The following NTM variants were observed in gnomAD, a reference collection of about 807,000 sequenced individuals.
NTM encodes the protein neurotrimin, also known as IgLON family member 2.
NTM carries 13 observed loss-of-function variants against 42.1 expected under a neutral mutation model. The observed-to-expected ratio is 0.31, with a 90% CI of 0.20 to 0.49. NTM has a LOEUF of 0.49. Among genes scored for constraint, NTM ranks in the 20% least tolerant of loss-of-function variants. The probability of loss-of-function intolerance (pLI) is 0.99; values close to 1 mark genes in which losing one functional copy is unlikely to be tolerated. For missense variants in NTM, 373 were observed against 452.8 expected (o/e 0.82, Z 1.60); for synonymous variants, 187 against 179.2 (o/e 1.04, Z -0.35).
intron 1 of NTM, among the ~76,000 whole-genome samples, chr11:131,810,693 C>G (rs2092699644): frequency 1.3e-5 from 2 of 152,182 alleles, no homozygotes; most frequent in African/African-American, 2.4e-5. Flanking sequence ...CCCTGGTCAG[C>G]AGATGGTTTG....
Position 131,548,545 on chromosome 11 carries a change from G to A in NTM, c.82+177657G>A, listed in dbSNP as rs117323170. Among the ~76,000 whole-genome samples, 731 of 152,198 alleles carry A rather than the reference G, an allele frequency of 4.8e-3. 4 individuals carry two copies. Among genetic ancestry groups the A allele is most frequent in the Non-Finnish European group, 8.8e-3 (596 of 68,020 alleles). ...TTTACATTAAATGTGATGCTGACAA[G>A]GCTTTATGAGATACAAAAGTTTGCT... On this transcript the variant is annotated intron_variant, in intron 1 of 8. Coordinates refer to ENST00000683400, the MANE Select transcript of NTM (RefSeq NM_001352005.2).
intron 1 of NTM, chr11:131,671,587 T>G (rs1370934709): frequency 1.0e-6 from 1 of 985,230 alleles, no homozygotes; most frequent in African/African-American, 1.7e-5. Flanking sequence ...GAGCCCACGC[T>G]GGGCTGGGCA....
intron 4 of NTM, among the ~76,000 whole-genome samples, chr11:132,280,004 G>A (rs2093906330): frequency 6.6e-6 from 1 of 152,120 alleles, no homozygotes; most frequent in South Asian, 2.1e-4. Context: ...AGACCGCCAT[G>A]GTAAACAGGA....
intron 1 of NTM, among the ~76,000 whole-genome samples, chr11:131,436,782 C>T (rs1949172578): frequency 6.6e-6 from 1 of 152,112 alleles, no homozygotes; most frequent in Non-Finnish European, 1.5e-5. Context: ...TTTCTATCTC[C>T]TTCAGTTCTG....
chr11:132,290,720 A>G (rs912302196), intron 4 of NTM, among the ~76,000 whole-genome samples: 2 of 152,214 alleles, frequency 1.3e-5, no homozygotes, highest in African/African-American at 4.8e-5. Flanking sequence ...CCATTTTAAT[A>G]TAATGTAATA....
chr11:132,049,960 G>T (rs2078620065), intron 2 of NTM, among the ~76,000 whole-genome samples: 1 of 152,120 alleles, frequency 6.6e-6, no homozygotes, highest in Non-Finnish European at 1.5e-5. Context: ...GCAGCCTCCT[G>T]AGCAGGTGAT....
At chr11:131,440,153 C>A (rs1427310389) in intron 1 of NTM, among the ~76,000 whole-genome samples, 3 of 151,924 alleles carry the variant, frequency 2.0e-5, no homozygotes, top group African/African-American at 7.2e-5. Flanking sequence ...AGTTCTCCAA[C>A]TTTATCCTCC....
At chr11:131,881,345 T>C (rs1341483935) in intron 1 of NTM, among the ~76,000 whole-genome samples, 1 of 152,182 alleles carries the variant, frequency 6.6e-6, no homozygotes. Context: ...GTACATGGAT[T>C]TGAAATCAGA....
At chr11:131,476,191 G>A (rs1565541469) in intron 1 of NTM, among the ~76,000 whole-genome samples, 1 of 152,138 alleles carries the variant, frequency 6.6e-6, no homozygotes, top group Non-Finnish European at 1.5e-5. Context: ...CTTGCCTAGG[G>A]TATGTTCTTC....
At chr11:131,823,349 ACG>A (rs1409991126) in intron 1 of NTM, among the ~76,000 whole-genome samples, 1 of 152,180 alleles carries the variant, frequency 6.6e-6, no homozygotes, top group Non-Finnish European at 1.5e-5. Flanking sequence ...TTTGTTCTCC[ACG>A]TGATGACTAA....
At chr11:132,291,973 T>C (rs1003680796) in intron 4 of NTM, among the ~76,000 whole-genome samples, 4 of 152,132 alleles carry the variant, frequency 2.6e-5, no homozygotes, top group Admixed American at 6.5e-5. Context: ...TCTGAGAAGC[T>C]TGACTGTGAA....
At chr11:131,931,025 ATAG>A (rs1338169349) in intron 2 of NTM, among the ~76,000 whole-genome samples, 5 of 152,192 alleles carry the variant, frequency 3.3e-5, no homozygotes, top group Admixed American at 6.5e-5. Context: ...TGACATCAAC[ATAG>A]TAGTGTTCAT....
intron 2 of NTM, among the ~76,000 whole-genome samples, chr11:132,116,251 A>G (rs1011383353): frequency 2.0e-5 from 3 of 152,184 alleles, no homozygotes; most frequent in African/African-American, 4.8e-5. Context: ...GGAGGGACAC[A>G]GGGTGAGAAA....
At chr11:131,747,479 C>G (rs966868076) in intron 1 of NTM, among the ~76,000 whole-genome samples, 4 of 152,224 alleles carry the variant, frequency 2.6e-5, no homozygotes, top group African/African-American at 9.6e-5. Flanking sequence ...TCCTGTGTCC[C>G]TATTAAATGC....
chr11:131,818,807 G>A (rs1338239048), intron 1 of NTM, among the ~76,000 whole-genome samples: 1 of 152,074 alleles, frequency 6.6e-6, no homozygotes, highest in Admixed American at 6.6e-5. Context: ...GGACTATAAT[G>A]GGAATTACGA....
intron 4 of NTM, among the ~76,000 whole-genome samples, chr11:132,230,948 G>A (rs1270560925): frequency 6.6e-6 from 1 of 152,210 alleles, no homozygotes; most frequent in Non-Finnish European, 1.5e-5. Flanking sequence ...GGGGGTCGAG[G>A]CTGCAGTGAG....
intron 7 of NTM, among the ~76,000 whole-genome samples, chr11:132,325,186 A>G (rs1329071073): frequency 1.3e-5 from 2 of 152,156 alleles, no homozygotes; most frequent in African/African-American, 2.4e-5. Flanking sequence ...TAATTAAACT[A>G]AAGAGCTTCT....
intron 1 of NTM, among the ~76,000 whole-genome samples, chr11:131,883,011 TG>T (rs2049793970): frequency 6.6e-6 from 1 of 152,178 alleles, no homozygotes; most frequent in South Asian, 2.1e-4. Flanking sequence ...ATAAAGTTGA[TG>T]ACATATCCTG....
intron 1 of NTM, among the ~76,000 whole-genome samples, chr11:131,516,770 T>A (rs2048946227): frequency 6.6e-6 from 1 of 152,204 alleles, no homozygotes; most frequent in Non-Finnish European, 1.5e-5. Context: ...TAAAAGCGTT[T>A]CTTGTGTGAC....
Sources: allele counts gnomAD v4.1 joint callset (sites outside exome capture counted in the v4.1 genomes callset), GRCh38; gene constraint gnomAD v4.1.1; transcripts MANE v1.5; gene names NCBI Gene and HGNC (gene_info 2026-07-23, HGNC 2026-07-21).